KLF12: variants seen among roughly 807,000 people sequenced by gnomAD.
The protein encoded by KLF12 is KLF transcription factor 12, also known as Krueppel-like factor 12.
A neutral mutation model predicts 37.8 loss-of-function variants in KLF12; 9 were observed. The ratio of observed to expected loss-of-function variants is 0.24; its 90% CI spans 0.14 to 0.42. The LOEUF is 0.42. KLF12 is among the 10% of genes least tolerant of loss of function. KLF12 has a pLI of 1.00. For missense variants in KLF12, 411 were observed against 516.0 expected (o/e 0.80, Z 1.97); for synonymous variants, 208 against 202.1 (o/e 1.03, Z -0.25).
At chr13:74,085,946 T>G (rs2138787990) in intron 1 of KLF12, among the ~76,000 whole-genome samples, 1 of 152,132 alleles carries the variant, frequency 6.6e-6, no homozygotes, top group South Asian at 2.1e-4. Context: ...AAAACTGCAG[T>G]AAATTTTAAA....
chr13:74,035,791 G>T (rs1161443361), intron 1 of KLF12, among the ~76,000 whole-genome samples: 1 of 152,130 alleles, frequency 6.6e-6, no homozygotes, highest in Non-Finnish European at 1.5e-5. Context: ...GTTTTAAATT[G>T]TACACAAATT....
chr13:74,222,860 A>G, the KLF12 span, among the ~76,000 whole-genome samples: 5 of 152,232 alleles, frequency 3.3e-5, no homozygotes, highest in African/African-American at 1.2e-4. Flanking sequence ...TAGTTTCAGA[A>G]CCTAGTACAG....
intron 3 of KLF12, among the ~76,000 whole-genome samples, chr13:73,864,194 T>TA (rs1886065303): frequency 6.6e-6 from 1 of 152,130 alleles, no homozygotes; most frequent in Admixed American, 6.5e-5. Flanking sequence ...TTTAAGTAAT[T>TA]ACTCCCTAAT....
chr13:74,102,016 G>A (rs1015606719), intron 1 of KLF12, among the ~76,000 whole-genome samples: 3 of 151,418 alleles, frequency 2.0e-5, no homozygotes, highest in South Asian at 2.1e-4. Flanking sequence ...TCAGGAGTTC[G>A]GGACCAGCCT....
At chr13:73,873,207 G>A (rs1260474718) in intron 3 of KLF12, among the ~76,000 whole-genome samples, 2 of 151,990 alleles carry the variant, frequency 1.3e-5, no homozygotes, top group Admixed American at 1.3e-4. Flanking sequence ...CCCATTAAAT[G>A]AGGACTTCAA....
At chr13:73,999,976 G>C (rs991588642) in intron 1 of KLF12, among the ~76,000 whole-genome samples, 5 of 152,122 alleles carry the variant, frequency 3.3e-5, no homozygotes, top group Non-Finnish European at 7.4e-5. Flanking sequence ...CTTAACACTT[G>C]GGAGTAATGT....
At chr13:74,000,342 G>A (rs1268522240) in intron 1 of KLF12, among the ~76,000 whole-genome samples, 1 of 152,168 alleles carries the variant, frequency 6.6e-6, no homozygotes. Flanking sequence ...TAGGATCTCA[G>A]AGTATAGTGT....
intron 4 of KLF12, 128 bp from the exon 5 acceptor site, chr13:73,813,415 A>T (rs9530246): frequency 1.0e-6 from 1 of 1,000,972 alleles, no homozygotes; most frequent in African/African-American, 1.6e-5. Flanking sequence ...CATCACAGGA[A>T]TCAGTGAAAG....
At chr13:74,249,103 C>CT in the KLF12 span, among the ~76,000 whole-genome samples, 1 of 152,014 alleles carries the variant, frequency 6.6e-6, no homozygotes, top group African/African-American at 2.4e-5. Context: ...AAACCAGTCT[C>CT]TGACAATTGC....
the KLF12 span, among the ~76,000 whole-genome samples, chr13:74,287,382 G>GAGAC: frequency 6.6e-6 from 1 of 151,898 alleles, no homozygotes; most frequent in African/African-American, 2.4e-5. Flanking sequence ...GAGAGAGAGA[G>GAGAC]AGAGAGAGAG....
At chr13:73,759,510 T>A (rs991340744) in intron 6 of KLF12, among the ~76,000 whole-genome samples, 3 of 152,194 alleles carry the variant, frequency 2.0e-5, no homozygotes, top group African/African-American at 7.2e-5. Flanking sequence ...TTCTCCTTGC[T>A]CTCCCATCCC....
At chr13:74,089,385 G>T (rs183705235) in intron 1 of KLF12, among the ~76,000 whole-genome samples, 37 of 151,990 alleles carry the variant, frequency 2.4e-4, no homozygotes, top group Admixed American at 1.8e-3. Context: ...TCATTCCTAG[G>T]CCATTTTATC....
At chr13:73,855,571 C>T (rs1026526577) in intron 3 of KLF12, among the ~76,000 whole-genome samples, 1 of 152,120 alleles carries the variant, frequency 6.6e-6, no homozygotes, top group African/African-American at 2.4e-5. Flanking sequence ...ATACATGTGT[C>T]TTTTTGATAG....
chr13:73,972,760 T>C (rs891769579), intron 2 of KLF12, among the ~76,000 whole-genome samples: 2 of 151,004 alleles, frequency 1.3e-5, no homozygotes, highest in Non-Finnish European at 2.9e-5. Flanking sequence ...CTCTAAAGAC[T>C]TAATGAATCA....
At chr13:74,199,112 T>C in the KLF12 span, among the ~76,000 whole-genome samples, 1 of 152,202 alleles carries the variant, frequency 6.6e-6, no homozygotes, top group African/African-American at 2.4e-5. Context: ...GACTGGCAGT[T>C]AGGATATTCC....
At chr13:73,947,648 CAAAAAAAA>C (rs11378611) in intron 2 of KLF12, among the ~76,000 whole-genome samples, 1 of 85,900 alleles carries the variant, frequency 1.2e-5, no homozygotes, top group Non-Finnish European at 2.1e-5. Flanking sequence ...GAGACGGTCT[CAAAAAAAA>C]AAAAAAAAAA....
the KLF12 span, among the ~76,000 whole-genome samples, chr13:74,283,387 A>G: frequency 6.6e-6 from 1 of 152,366 alleles, no homozygotes; most frequent in South Asian, 2.1e-4. Context: ...GCTGAGCCAT[A>G]ATTTGGAAAA....
the KLF12 span, among the ~76,000 whole-genome samples, chr13:74,188,466 C>T: frequency 2.0e-5 from 3 of 152,202 alleles, no homozygotes; most frequent in East Asian, 5.8e-4. Context: ...CTTATCTTTA[C>T]TCAGTTGAAA....
intron 3 of KLF12, among the ~76,000 whole-genome samples, chr13:73,912,506 C>T (rs936140689): frequency 2.2e-4 from 34 of 152,156 alleles, no homozygotes; most frequent in African/African-American, 7.5e-4. Context: ...CAGAGACACA[C>T]AAGGAGAAGC....
Sources: gnomAD v4.1 joint callset for allele counts (sites outside exome capture counted in the v4.1 genomes callset) on GRCh38, gnomAD v4.1.1 for gene constraint, MANE v1.5 for transcripts, NCBI Gene and HGNC (gene_info 2026-07-23, HGNC 2026-07-21) for gene names.